TRIM33: variants seen among roughly 807,000 people sequenced by gnomAD.
The protein encoded by TRIM33 is tripartite motif containing 33.
A neutral mutation model predicts 125.4 loss-of-function variants in TRIM33; 20 were observed. That is an observed-to-expected ratio of 0.16 (90% confidence interval 0.11 to 0.23). The LOEUF is 0.23. Ranked by LOEUF, TRIM33 falls within the 10% of genes least tolerant of loss-of-function variation. The pLI is 1.00. For synonymous variants in TRIM33, 564 were observed against 513.9 expected, an observed-to-expected ratio of 1.10 and a Z score of -1.32; for missense variants, 920 against 1,411.4, an observed-to-expected ratio of 0.65 and a Z score of 5.58.
At chr1:114,415,863 A>C (rs551829262) in intron 11 of TRIM33, among the ~76,000 whole-genome samples, 1 of 151,438 alleles carries the variant, frequency 6.6e-6, no homozygotes, top group Non-Finnish European at 1.5e-5. Context: ...GAGGCATAAG[A>C]ATTGCTTGAG....
At chr1:114,506,406 C>T (rs1653009535) in intron 1 of TRIM33, among the ~76,000 whole-genome samples, 1 of 146,642 alleles carries the variant, frequency 6.8e-6, no homozygotes, top group Non-Finnish European at 1.5e-5. Context: ...AAAAAAATAG[C>T]AGAACCCAAT....
In TRIM33 at chr1:114,494,598, G is replaced by C. The variant is rs78177838; in HGVS notation, c.526+15953C>G. Among the ~76,000 whole-genome samples, 1,133 of 152,142 alleles carry C rather than the reference G, an allele frequency of 7.4e-3. 26 individuals are homozygous for C. Among genetic ancestry groups the C allele is most frequent in the Admixed American group, 0.03 (461 of 15,262 alleles). On this transcript the variant is annotated intron_variant, in intron 1 of 19. Transcript: ENST00000358465. ...GGAATATATAAAGAATCCTACAAAAGCACTGGGAAAAAAGGTAGACAAACC... is the reference window on the plus strand; with the variant it reads ...GGAATATATAAAGAATCCTACAAAACCACTGGGAAAAAAGGTAGACAAACC...
At chr1:114,490,084 C>CAAAAAAAAA (rs776451339) in intron 1 of TRIM33, among the ~76,000 whole-genome samples, 4 of 37,640 alleles carry the variant, frequency 1.1e-4, no homozygotes, top group African/African-American at 2.0e-4. Flanking sequence ...GACTCCGTCT[C>CAAAAAAAAA]AAAAAAAAAA....
At chr1:114,424,553 A>C (rs779284693) in intron 10 of TRIM33, 38 bp downstream of exon 10, 2 of 1,467,968 alleles carry the variant, frequency 1.4e-6, no homozygotes, top group South Asian at 3.0e-5. Context: ...TTTAATTTTA[A>C]AATTGTAGGA....
chr1:114,393,539 A>T lies in TRIM33; in HGVS notation c.*4109T>A, dbSNP rs1651391403. ...GTAGTTTGATATGACAAATATATCC[A>T]AATTAACTTATTTTTGAAGATAGTT... On this transcript the variant is annotated 3_prime_UTR_variant, in exon 20 of 20. Transcript: ENST00000358465. 9.9e-6 allele frequency: 2 copies of T among 201,642 alleles called. No individual in the cohort carries two copies. Among genetic ancestry groups the T allele is most frequent in the Admixed American group, 6.0e-5 (1 of 16,646 alleles). 12.5% of individuals were successfully genotyped at this position (201,642 alleles called of 1,614,324 possible).
chr1:114,470,662 C>G (rs1460807075), intron 1 of TRIM33, among the ~76,000 whole-genome samples: 3 of 148,872 alleles, frequency 2.0e-5, no homozygotes, highest in Non-Finnish European at 3.0e-5. Context: ...ACAACAACAA[C>G]AAGTCAAACA....
intron 1 of TRIM33, chr1:114,468,430 T>C (rs922863219): frequency 1.9e-5 from 7 of 360,728 alleles, no homozygotes; most frequent in African/African-American, 1.1e-4. Flanking sequence ...ACCCAGCCCT[T>C]AGAAACAAAA....
chr1:114,395,109 G>T lies in TRIM33; in HGVS notation c.*2539C>A, dbSNP rs1651475170. ...AAGTTTTTATACTTTTTAACCATAGGTATATTAGAGCTGAAAAAATCAGCT... is the reference window on the plus strand; with the variant it reads ...AAGTTTTTATACTTTTTAACCATAGTTATATTAGAGCTGAAAAAATCAGCT... On this transcript the variant is annotated 3_prime_UTR_variant, in exon 20 of 20. Coordinates refer to ENST00000358465, the MANE Select transcript of TRIM33 (RefSeq NM_015906.4). 2.1e-5 allele frequency: 4 copies of T among 194,784 alleles called. No individual in the cohort carries two copies. The highest frequency in any genetic ancestry group is 3.2e-5 in the Non-Finnish European group (3 of 93,798). The allele number at this position is 194,784 out of a possible 1,614,324, so 12.1% of individuals were successfully genotyped here.
At chr1:114,428,940 C>T (rs1647764057) in intron 6 of TRIM33, among the ~76,000 whole-genome samples, 1 of 151,910 alleles carries the variant, frequency 6.6e-6, no homozygotes, top group Non-Finnish European at 1.5e-5. Context: ...CTGCAAACTC[C>T]ACTTCCCAGG....
intron 11 of TRIM33, among the ~76,000 whole-genome samples, chr1:114,417,193 G>A (rs1282413991): frequency 1.3e-5 from 2 of 152,124 alleles, no homozygotes; most frequent in African/African-American, 4.8e-5. Flanking sequence ...GTTTCCAGGG[G>A]CTGGAAGAGA....
chr1:114,449,401 G>A (rs1449971496), intron 4 of TRIM33, among the ~76,000 whole-genome samples: 1 of 152,218 alleles, frequency 6.6e-6, no homozygotes, highest in Admixed American at 6.5e-5. Context: ...TGGAATTAAA[G>A]TGTGACAGAT....
intron 1 of TRIM33, among the ~76,000 whole-genome samples, chr1:114,488,840 C>G (rs1202420956): frequency 3.3e-5 from 5 of 152,146 alleles, no homozygotes; most frequent in African/African-American, 1.2e-4. Context: ...CCCACCCCAG[C>G]AACATAGCAA....
chr1:114,483,794 A>G (rs1651498540), intron 1 of TRIM33, among the ~76,000 whole-genome samples: 1 of 152,126 alleles, frequency 6.6e-6, no homozygotes, highest in Non-Finnish European at 1.5e-5. Flanking sequence ...GAGAAGAAAA[A>G]ACATATTTCA....
At position 114,510,968 on chromosome 1, in the gene TRIM33, GC is replaced by G; in HGVS notation, c.108del (p.Pro37LeufsTer142). On this transcript the variant is annotated frameshift_variant, in exon 1 of 20. Transcript: ENST00000358465. LOFTEE classifies it high-confidence loss of function. ...TCCTCCACCAGCACCGCGGTGAGAG[GC>G]GGCTCCGCCTCCTGCGCGGCGGGCC... is the stretch of plus-strand genomic sequence containing the variant. ...AAGPAAQEAE[P>X]PLTAVLVEEE... 1 of 1,377,676 alleles carries G rather than the reference GC, an allele frequency of 7.3e-7. No homozygotes were observed. Among genetic ancestry groups the G allele is most frequent in the South Asian group, 1.6e-5 (1 of 61,078 alleles). 85.3% of individuals were successfully genotyped at this position (1,377,676 alleles called of 1,614,324 possible). A position where few individuals can be genotyped will look rare whatever the true frequency, so the allele number is the denominator to read the frequency against.
intron 8 of TRIM33, among the ~76,000 whole-genome samples, 199 bp downstream of exon 8, chr1:114,426,978 G>T (rs6656393): frequency 0.36 from 54,077 of 151,950 alleles, 10,314 homozygotes; most frequent in African/African-American, 0.47. Flanking sequence ...CAGAGTAGAC[G>T]CTCAACTTTC....
Position 114,414,027 on chromosome 1 carries a change from GCACACACACACACA to G in TRIM33, c.2062-3725_2062-3712del, listed in dbSNP as rs3077592. Among the ~76,000 whole-genome samples, 630 of 130,676 alleles carry G rather than the reference GCACACACACACACA, an allele frequency of 4.8e-3. 3 individuals carry two copies. Among genetic ancestry groups the G allele is most frequent in the African/African-American group, 0.017 (556 of 33,642 alleles). 85.7% of individuals were successfully genotyped at this position (130,676 alleles called of 152,430 possible). On this transcript the variant is annotated intron_variant, in intron 11 of 19. Transcript: ENST00000358465. ...CAAAATAAACCAAAATAAATCACAG[GCACACACACACACA>G]CACACACACACACACACACACACAC...
chr1:114,495,394 A>G (rs1029712753), intron 1 of TRIM33, among the ~76,000 whole-genome samples: 2 of 152,238 alleles, frequency 1.3e-5, no homozygotes, highest in African/African-American at 4.8e-5. Context: ...TGTTTAAAAA[A>G]GAAACAAGGA....
chr1:114,495,403 G>A (rs1652313295), intron 1 of TRIM33, among the ~76,000 whole-genome samples: 1 of 151,976 alleles, frequency 6.6e-6, no homozygotes, highest in Admixed American at 6.6e-5. Context: ...AAGAAACAAG[G>A]ATAATATTAT....
chr1:114,443,797 C>T (rs1648808918), intron 4 of TRIM33, among the ~76,000 whole-genome samples: 1 of 151,644 alleles, frequency 6.6e-6, no homozygotes, highest in Non-Finnish European at 1.5e-5. Flanking sequence ...ACTTTGGGGG[C>T]CAAGGCAGGA....
Sources: allele counts gnomAD v4.1 joint callset (sites outside exome capture counted in the v4.1 genomes callset), GRCh38; gene constraint gnomAD v4.1.1; transcripts MANE v1.5; gene names NCBI Gene and HGNC (gene_info 2026-07-23, HGNC 2026-07-21).